PITRM1: variants seen among roughly 807,000 people sequenced by gnomAD.
The protein encoded by PITRM1 is pitrilysin metallopeptidase 1.
In PITRM1, 100 loss-of-function variants were observed where a neutral mutation model predicts 129.9. The ratio of observed to expected loss-of-function variants is 0.77; its 90% CI spans 0.65 to 0.91. The LOEUF (loss-of-function observed/expected upper bound fraction) is 0.91. Among genes scored for constraint, PITRM1 ranks in the 40% least tolerant of loss-of-function variants. PITRM1 has a pLI of 0.00. For missense variants in PITRM1, 1,471 were observed against 1,318.3 expected (o/e 1.12, Z -1.79); for synonymous variants, 591 against 508.8 (o/e 1.16, Z -2.17).
At chr10:3,147,003 T>C (rs1840944145) in intron 20 of PITRM1, 147 bp downstream of exon 20, 4 of 500,126 alleles carry the variant, frequency 8.0e-6, no homozygotes, top group Non-Finnish European at 1.4e-5. Flanking sequence ...AATATTTTCT[T>C]AGTTTGTTAG....
At chr10:3,169,075 T>A (rs897570878) in intron 2 of PITRM1, among the ~76,000 whole-genome samples, 1 of 152,166 alleles carries the variant, frequency 6.6e-6, no homozygotes, top group African/African-American at 2.4e-5. Context: ...CACTCCAGCC[T>A]GGGCGACAGG....
Position 3,155,682 on chromosome 10 carries a change from A to ATAC in PITRM1, c.1527_1529dup (p.Lys509_Tyr510insTer). 6.2e-7 allele frequency: 1 copy of ATAC among 1,613,894 alleles called. No individual in the cohort carries two copies. The highest frequency in any genetic ancestry group is 1.3e-5 in the African/African-American group (1 of 75,004). On this transcript the variant is annotated stop_gained, in exon 14 of 27. Coordinates refer to ENST00000224949, the MANE Select transcript of PITRM1 (RefSeq NM_014889.4). LOFTEE classifies it high-confidence loss of function. Reference sequence around the variant, plus strand: ...CTTCCACCTGTGCCTGCTTCTCGTGATACTTGTCATCTGGCCTCATCGATA... The same window carrying ATAC: ...CTTCCACCTGTGCCTGCTTCTCGTGATACTACTTGTCATCTGGCCTCATCGATA...
intron 4 of PITRM1, among the ~76,000 whole-genome samples, chr10:3,166,012 C>T (rs565174985): frequency 6.6e-6 from 1 of 152,326 alleles, no homozygotes; most frequent in East Asian, 1.9e-4. Flanking sequence ...GGGAAAAGTT[C>T]ACATATGTTT....
chr10:3,159,867 C>T lies in PITRM1; in HGVS notation c.988G>A (p.Val330Ile), dbSNP rs202233012. 109 of 1,600,004 alleles carry T rather than the reference C, an allele frequency of 6.8e-5. No homozygotes were observed. The highest frequency in any genetic ancestry group is 3.3e-4 in the Middle Eastern group (2 of 6,078). Residue 330 changes from valine (V) to isoleucine (I), a missense_variant, in exon 9 of 27, where the codon GTT (valine) becomes ATT (isoleucine). Physicochemically the swap from Val to Ile is conservative, Grantham distance 29. Coordinates refer to ENST00000224949, the MANE Select transcript of PITRM1 (RefSeq NM_014889.4). ...ACTTACTCCGGTAAGAGGAAGCTAA[C>T]GCTGATGGTTGTTTGTTTAGAGGGA... ...TDPSKQTTIS[V>I]SFLLPDITDT...
At chr10:3,144,226 G>C in intron 22 of PITRM1, 66 bp downstream of exon 22, 1 of 873,510 alleles carries the variant, frequency 1.1e-6, no homozygotes, top group East Asian at 2.7e-5. Flanking sequence ...TCGAACATCA[G>C]TGGCAGACAC....
At chr10:3,151,759 A>G (rs952697696) in intron 14 of PITRM1, among the ~76,000 whole-genome samples, 1 of 152,132 alleles carries the variant, frequency 6.6e-6, no homozygotes, top group African/African-American at 2.4e-5. Flanking sequence ...GTTTTGAGAC[A>G]GGGTCTGGCT....
chr10:3,164,481 G>A (rs1438528609), intron 6 of PITRM1, among the ~76,000 whole-genome samples: 1 of 152,126 alleles, frequency 6.6e-6, no homozygotes, highest in Non-Finnish European at 1.5e-5. Flanking sequence ...ATTTATGCCT[G>A]AGGTTGCAAT....
Position 3,151,283 on chromosome 10 carries a change from T to G in PITRM1, c.1702A>C (p.Thr568Pro). The G allele has an allele frequency of 1.9e-6, 3 of 1,609,080 alleles. No homozygotes were observed. The highest frequency in any genetic ancestry group is 2.5e-6 in the Non-Finnish European group (3 of 1,177,524). The stretch of plus-strand genomic sequence containing the variant: ...ACGTCCAACTCTGTGACAGGTATGG[T>G]GGGTTCAATATCGGAAACTTTCAAC... Reference protein sequence around the residue: ...PALKVSDIEPTIPVTELDVVL... With the variant: ...PALKVSDIEPPIPVTELDVVL... The change falls in exon 15 of 27, where the codon ACC becomes CCC. Residue 568 changes from threonine (T) to proline (P), a missense_variant. Transcript: ENST00000224949.
intron 21 of PITRM1, 109 bp from the exon 22 acceptor site, chr10:3,144,475 C>A: frequency 1.5e-6 from 1 of 664,360 alleles, no homozygotes; most frequent in Non-Finnish European, 2.6e-6. Flanking sequence ...AGTGTTAGGG[C>A]AGGTGTAAGT....
rs745432011 is a variant in PITRM1, at chr10:3,158,058, G to T, written c.1232C>A (p.Thr411Lys). The change falls in exon 11 of 27, where the codon ACG becomes AAG. Residue 411 changes from threonine (T) to lysine (K), a missense_variant. Transcript: ENST00000224949. ...IETVRSLIDR[T>K]IDEVVEKGFE... ...CACTCACTCAACTACTTCATCAATC[G>T]TTCTGTCTATGAGGCTTCTGACGGT... The T allele has an allele frequency of 2.5e-6, 4 of 1,603,414 alleles. No homozygotes were observed. In the East Asian group the frequency reaches 8.9e-5, roughly 36 times the overall value.
rs542492697 is a variant in PITRM1 at position 3,168,415 on chromosome 10, G to GTAAGTTTC, written c.160-1381_160-1374dup. ...TCTCAAACAAGAATCATGACTTATC[G>GTAAGTTTC]TAAGTTTCTATGGCTGGACACAGTG... On this transcript the variant is annotated intron_variant, in intron 2 of 26. Transcript: ENST00000224949. 5.7e-3 allele frequency among the ~76,000 whole-genome samples: 870 copies of GTAAGTTTC among 151,954 alleles called. 37 individuals are homozygous for GTAAGTTTC. Among genetic ancestry groups the GTAAGTTTC allele is most frequent in the African/African-American group, 0.02 (840 of 41,280 alleles).
At chr10:3,162,158 TAAA>T (rs756979093) in intron 7 of PITRM1, among the ~76,000 whole-genome samples, 96 of 61,146 alleles carry the variant, frequency 1.6e-3, no homozygotes, top group Middle Eastern at 0.015. Context: ...ACCCTGTCTT[TAAA>T]AAAAAAAAAA....
intron 7 of PITRM1, among the ~76,000 whole-genome samples, chr10:3,162,501 T>C (rs1399297184): frequency 6.6e-6 from 1 of 152,212 alleles, no homozygotes; most frequent in East Asian, 1.9e-4. Flanking sequence ...CCAGATGGTC[T>C]GTGGCTGAAG....
chr10:3,167,079 G>C, intron 2 of PITRM1, 37 bp from the exon 3 acceptor site: 1 of 1,278,296 alleles, frequency 7.8e-7, no homozygotes, highest in Non-Finnish European at 1.1e-6. Flanking sequence ...GTTAAACTTA[G>C]ACAAAATGGC....
chr10:3,157,477 C>A lies in PITRM1; in HGVS notation c.1305G>T (p.Gln435His). The change falls in exon 12 of 27, where the codon CAG (glutamine) becomes CAT (histidine). Residue 435 changes from glutamine to histidine, a missense_variant. Physicochemically the swap from Gln to His is conservative, Grantham distance 24. Transcript: ENST00000224949. ...CAAAGCTGGTAGACTGATGTTTCAT[C>A]TGTATTTCAATTTTATGAAGTAAAG... ...IEALLHKIEI[Q>H]MKHQSTSFGL... 2 of 1,611,218 alleles carry A rather than the reference C, an allele frequency of 1.2e-6. No homozygotes were observed. Among genetic ancestry groups the A allele is most frequent in the Non-Finnish European group, 1.7e-6 (2 of 1,178,522 alleles).
At chr10:3,157,171 C>T in intron 12 of PITRM1, 107 bp from the exon 13 acceptor site, 2 of 1,022,758 alleles carry the variant, frequency 2.0e-6, no homozygotes, top group Non-Finnish European at 2.8e-6. Flanking sequence ...TTAAATATAC[C>T]ACAGATGATT....
chr10:3,140,034 G>A lies in PITRM1; in HGVS notation c.2771+653C>T, dbSNP rs571681605. Among the ~76,000 whole-genome samples the A allele has an allele frequency of 8.5e-5, 13 of 152,292 alleles. No homozygotes were observed. The East Asian group carries it at 9.6e-4, about 11-fold the overall frequency. ...GGGGCCTGTGTTTCAGGACCCCCAC[G>A]GCAGGGCTGCAACCTCAGACAGCCA... On this transcript the variant is annotated intron_variant, in intron 24 of 26. Coordinates refer to ENST00000224949, the MANE Select transcript of PITRM1 (RefSeq NM_014889.4).
chr10:3,171,109 C>T (rs1843293998), intron 1 of PITRM1, among the ~76,000 whole-genome samples: 1 of 117,944 alleles, frequency 8.5e-6, no homozygotes, highest in South Asian at 2.9e-4. Flanking sequence ...GGAGGTGTAT[C>T]GACAGAGAAT....
chr10:3,142,764 C>G (rs762917977), intron 23 of PITRM1, among the ~76,000 whole-genome samples: 3 of 152,210 alleles, frequency 2.0e-5, no homozygotes, highest in Non-Finnish European at 4.4e-5. Context: ...GGTGGGGAGA[C>G]AGGGGAGACA....
Sources: gnomAD v4.1 joint callset for allele counts (sites outside exome capture counted in the v4.1 genomes callset) on GRCh38, gnomAD v4.1.1 for gene constraint, MANE v1.5 for transcripts, NCBI Gene and HGNC (gene_info 2026-07-23, HGNC 2026-07-21) for gene names.